The following TEX15 variants were observed in gnomAD, a reference collection of about 807,000 sequenced individuals.
The protein encoded by TEX15 is testis expressed 15, meiosis and synapsis associated, also known as testis-expressed protein 15.
Under a neutral mutation model 237.3 loss-of-function variants are expected in TEX15, and 171 were observed. That is an observed-to-expected ratio of 0.72 (90% CI 0.64 to 0.82). TEX15 has a LOEUF of 0.82. TEX15 is among the 40% of genes least tolerant of loss of function. TEX15 has a pLI of 0.00. For synonymous variants in TEX15, 1,338 were observed against 1,269.8 expected (o/e 1.05, Z -1.14); for missense variants, 3,750 against 3,646.5 (o/e 1.03, Z -0.73).
intron 7 of TEX15, among the ~76,000 whole-genome samples, chr8:30,851,459 G>C (rs966062702): frequency 2.0e-5 from 3 of 152,084 alleles, no homozygotes; most frequent in African/African-American, 7.2e-5. Context: ...GTGAAACACT[G>C]TCTCTACTAA....
At chr8:30,898,414 C>T (rs1808947467) in intron 2 of TEX15, among the ~76,000 whole-genome samples, 1 of 152,144 alleles carries the variant, frequency 6.6e-6, no homozygotes, top group Admixed American at 6.6e-5. Flanking sequence ...TATGAGAAAG[C>T]ACCCATCATC....
chr8:30,903,902 A>G (rs556832275), intron 1 of TEX15, among the ~76,000 whole-genome samples: 152 of 152,368 alleles, frequency 1.0e-3, no homozygotes, highest in Non-Finnish European at 1.7e-3. Context: ...AGGTTGTGAA[A>G]GATGAGGACA....
intron 7 of TEX15, among the ~76,000 whole-genome samples, chr8:30,855,883 T>C (rs895961948): frequency 6.6e-6 from 1 of 152,120 alleles, no homozygotes; most frequent in Non-Finnish European, 1.5e-5. Flanking sequence ...ATTAGGCAAA[T>C]AAGTACATTA....
In TEX15 at chr8:30,850,733, G is replaced by A. The variant is rs549605880; in HGVS notation, c.851-1417C>T. On this transcript the variant is annotated intron_variant, in intron 7 of 10. Transcript: ENST00000643185. The stretch of plus-strand genomic sequence containing the variant: ...GTACTAGAAAAAAAAATGAATGGAT[G>A]TTTTTATAATCTTGGCATAGGAAAG... Among the ~76,000 whole-genome samples the A allele has an allele frequency of 1.1e-4, 17 of 152,166 alleles. No individual in the cohort carries two copies. The South Asian group carries it at 3.5e-3, about 32-fold the overall frequency.
At chr8:30,892,341 T>G (rs1377737208) in intron 2 of TEX15, among the ~76,000 whole-genome samples, 1 of 152,206 alleles carries the variant, frequency 6.6e-6, no homozygotes, top group African/African-American at 2.4e-5. Context: ...GTTTCATTGG[T>G]GTCTTTCTGT....
chr8:30,835,815 A>G (rs1807279922), intron 10 of TEX15, among the ~76,000 whole-genome samples: 1 of 152,212 alleles, frequency 6.6e-6, no homozygotes, highest in Non-Finnish European at 1.5e-5. Flanking sequence ...AAACAATTTC[A>G]TGTTACAGAG....
chr8:30,907,636 T>C (rs1337512942), intron 1 of TEX15, among the ~76,000 whole-genome samples: 2 of 144,382 alleles, frequency 1.4e-5, no homozygotes, highest in Admixed American at 7.0e-5. Flanking sequence ...ATAAATTTTA[T>C]ATCTAATTTA....
At chr8:30,860,587 CAG>C (rs1208238278) in intron 5 of TEX15, among the ~76,000 whole-genome samples, 24 of 119,852 alleles carry the variant, frequency 2.0e-4, no homozygotes, top group African/African-American at 7.3e-4. Context: ...TTTTTTGAGA[CAG>C]AGTCTCACTC....
rs763998560 is a variant in TEX15 at position 30,842,888 on chromosome 8, C to T, written c.7279G>A (p.Val2427Met). 1.9e-6 allele frequency: 3 copies of T among 1,609,604 alleles called. No individual in the cohort carries two copies. In the South Asian group the frequency reaches 3.3e-5, roughly 18 times the overall value. Residue 2427 changes from valine to methionine, a missense_variant, in exon 8 of 11, where the codon GTG becomes ATG. Coordinates refer to ENST00000643185, the MANE Select transcript of TEX15 (RefSeq NM_001350162.2). ...FITEENVLDV[V>M]INHSHEAIIL... ...ATAGCCTCATGGCTGTGGTTTATCA[C>T]CACGTCTAAAACATTTTCTTCTGTG...
Position 30,846,065 on chromosome 8 carries a change from C to G in TEX15, c.4102G>C (p.Ala1368Pro), listed in dbSNP as rs759480907. ...AGACATTTGCTTTTACATAAAGATG[C>G]TTCATCACTTAGGATATTTAGGACA... ...KSVLNILSDE[A>P]SLCKSKCLSR... The change falls in exon 8 of 11, where the codon GCA becomes CCA. Residue 1368 changes from alanine (A) to proline (P), a missense_variant. Physicochemically the swap from Ala to Pro is conservative, Grantham distance 27. Transcript: ENST00000643185. 8.7e-6 allele frequency: 14 copies of G among 1,613,214 alleles called. No homozygotes were observed. The highest frequency in any genetic ancestry group is 6.8e-6 in the Non-Finnish European group (8 of 1,179,598).
chr8:30,858,969 A>G (rs1807976332), intron 6 of TEX15, 139 bp from the exon 7 acceptor site: 1 of 554,002 alleles, frequency 1.8e-6, no homozygotes, highest in East Asian at 3.4e-5. Flanking sequence ...GTTTAACCCT[A>G]ATGTTTTTGA....
intron 3 of TEX15, among the ~76,000 whole-genome samples, chr8:30,876,355 T>C (rs1187641829): frequency 1.3e-5 from 2 of 152,226 alleles, no homozygotes; most frequent in African/African-American, 4.8e-5. Flanking sequence ...TTGAGTCAAA[T>C]AGCACTAGCC....
At chr8:30,878,820 T>C (rs1808458790) in intron 3 of TEX15, among the ~76,000 whole-genome samples, 1 of 152,248 alleles carries the variant, frequency 6.6e-6, no homozygotes, top group Non-Finnish European at 1.5e-5. Context: ...CCACTGGGCA[T>C]GGCTGCATGT....
intron 2 of TEX15, among the ~76,000 whole-genome samples, chr8:30,891,649 T>G (rs566151272): frequency 3.3e-4 from 50 of 152,168 alleles, no homozygotes; most frequent in Middle Eastern, 3.4e-3. Flanking sequence ...CTGGCTAATT[T>G]TTGTAGAGAT....
At position 30,834,124 on chromosome 8, in the gene TEX15, T is replaced by C. The variant is rs79774596; in HGVS notation, c.9482-801A>G. 6.2e-4 allele frequency among the ~76,000 whole-genome samples: 95 copies of C among 152,246 alleles called. 2 individuals carry two copies. The East Asian group carries it at 0.017, about 28-fold the overall frequency. On this transcript the variant is annotated intron_variant, in intron 10 of 10. Transcript: ENST00000643185. ...AGCATCAGCAATGATACCAAATTAA[T>C]AAAAAAGGAAAAAGCAGAGTCATGG... is the stretch of plus-strand genomic sequence containing the variant.
rs1229758826 is a variant in TEX15, at chr8:30,839,966, T to A, written c.8164-2A>T. On this transcript the variant is annotated splice_acceptor_variant, in intron 8 of 10. Transcript: ENST00000643185. LOFTEE classifies it high-confidence loss of function. The stretch of plus-strand genomic sequence containing the variant: ...TTTTGTGACATCTTTCATGTCTACC[T>A]GTGTTTAAAAGATACAAAGAAAATC... The A allele has an allele frequency of 6.3e-7, 1 of 1,584,140 alleles. No homozygotes were observed. Among genetic ancestry groups the A allele is most frequent in the South Asian group, 1.2e-5 (1 of 84,764 alleles).
intron 10 of TEX15, among the ~76,000 whole-genome samples, chr8:30,835,783 T>C (rs1338227233): frequency 6.6e-6 from 1 of 152,200 alleles, no homozygotes; most frequent in African/African-American, 2.4e-5. Context: ...ATTTTACAAG[T>C]AGAATTAAGC....
chr8:30,895,352 G>A (rs565455564), intron 2 of TEX15, among the ~76,000 whole-genome samples: 8 of 149,612 alleles, frequency 5.3e-5, no homozygotes, highest in South Asian at 2.1e-4. Flanking sequence ...CTGAATTGGT[G>A]ATGGGGTACT....
intron 1 of TEX15, among the ~76,000 whole-genome samples, chr8:30,912,174 G>A (rs1342458648): frequency 6.6e-6 from 1 of 152,158 alleles, no homozygotes; most frequent in East Asian, 1.9e-4. Flanking sequence ...GGCTCCTGCA[G>A]CGAGACAGCC....
Sources: gnomAD v4.1 joint callset for allele counts (sites outside exome capture counted in the v4.1 genomes callset) on GRCh38, gnomAD v4.1.1 for gene constraint, MANE v1.5 for transcripts, NCBI Gene and HGNC (gene_info 2026-07-23, HGNC 2026-07-21) for gene names.